Variants in RASGRP3 observed in about 807,000 individuals in gnomAD.
RASGRP3 encodes ras guanyl-releasing protein 3.
Under a neutral mutation model 82.7 loss-of-function variants are expected in RASGRP3, and 54 were observed. The ratio of observed to expected loss-of-function variants is 0.65; its 90% CI spans 0.52 to 0.82. RASGRP3 has a LOEUF of 0.82. Ranked by LOEUF, RASGRP3 falls within the 40% of genes least tolerant of loss-of-function variation. The probability of loss-of-function intolerance (pLI) is 0.00; values close to 1 mark genes in which losing one functional copy is unlikely to be tolerated. For missense variants in RASGRP3, 861 were observed against 828.9 expected, an observed-to-expected ratio of 1.04 and a Z score of -0.48; for synonymous variants, 309 against 300.5, an observed-to-expected ratio of 1.03 and a Z score of -0.29.
chr2:33,503,246 G>A (rs939050434), intron 1 of RASGRP3, among the ~76,000 whole-genome samples: 3 of 152,018 alleles, frequency 2.0e-5, no homozygotes, highest in Admixed American at 6.5e-5. Flanking sequence ...GGGCAGAGTC[G>A]TAGTATTTAT....
intron 9 of RASGRP3, among the ~76,000 whole-genome samples, chr2:33,524,876 T>C (rs969609741): frequency 7.2e-5 from 11 of 151,750 alleles, no homozygotes; most frequent in African/African-American, 2.7e-4. Context: ...TCAGGAGATC[T>C]ATACCATCCT....
At chr2:33,561,495 T>C (rs1288219236) in intron 17 of RASGRP3, among the ~76,000 whole-genome samples, 1 of 152,172 alleles carries the variant, frequency 6.6e-6, no homozygotes, top group Non-Finnish European at 1.5e-5. Flanking sequence ...TCCAGTACCA[T>C]TCAAATCAGT....
chr2:33,453,842 T>A (rs879427271), intron 2 of RASGRP3, among the ~76,000 whole-genome samples: 7 of 152,350 alleles, frequency 4.6e-5, no homozygotes, highest in African/African-American at 1.7e-4. Flanking sequence ...TAAAAGTTTT[T>A]TATGATAAAC....
At chr2:33,539,510 T>G in intron 12 of RASGRP3, 1 of 201,318 alleles carries the variant, frequency 5.0e-6, no homozygotes, top group Non-Finnish European at 9.9e-6. Context: ...GGGATTAGAA[T>G]CACTCATGAA....
chr2:33,506,194 A>G (rs528046160), intron 1 of RASGRP3, among the ~76,000 whole-genome samples: 2 of 152,320 alleles, frequency 1.3e-5, no homozygotes, highest in South Asian at 2.1e-4. Context: ...TTTTCAGACA[A>G]TAGGGCCAGT....
intron 6 of RASGRP3, among the ~76,000 whole-genome samples, chr2:33,521,026 T>C (rs1671979713): frequency 6.6e-6 from 1 of 152,208 alleles, no homozygotes; most frequent in Non-Finnish European, 1.5e-5. Flanking sequence ...CCTTCACTGA[T>C]TAAAGTGTGG....
intron 1 of RASGRP3, among the ~76,000 whole-genome samples, chr2:33,492,199 T>C (rs1558439642): frequency 1.3e-5 from 2 of 152,194 alleles, no homozygotes; most frequent in Admixed American, 1.3e-4. Flanking sequence ...TAATAAAAAA[T>C]GACATCGAGT....
chr2:33,506,025 A>C (rs1303096846), intron 1 of RASGRP3, among the ~76,000 whole-genome samples: 1 of 152,238 alleles, frequency 6.6e-6, no homozygotes, highest in Non-Finnish European at 1.5e-5. Flanking sequence ...GTAACCAAGA[A>C]AACATAAATA....
rs78361701 is a variant in RASGRP3, at chr2:33,461,905, C to G, written c.-261+13962C>G. Reference sequence around the variant, plus strand: ...AATGAGGTTAAAAGCCCAGGCCTCACGAGGTTATAACCAAGAGGCTGTGAT... The same window carrying G: ...AATGAGGTTAAAAGCCCAGGCCTCAGGAGGTTATAACCAAGAGGCTGTGAT... On this transcript the variant is annotated intron_variant, in intron 2 of 18. Transcript: ENST00000402538. Among the ~76,000 whole-genome samples, 3 of 152,192 alleles carry G rather than the reference C, an allele frequency of 2.0e-5. No homozygotes were observed. In the East Asian group the frequency reaches 5.8e-4, roughly 29 times the overall value.
At chr2:33,503,555 A>G (rs1670077554) in intron 1 of RASGRP3, among the ~76,000 whole-genome samples, 1 of 152,066 alleles carries the variant, frequency 6.6e-6, no homozygotes, top group African/African-American at 2.4e-5. Context: ...CAAGCTGTGT[A>G]ACTTTATTTG....
chr2:33,561,624 T>C (rs1676669903), intron 17 of RASGRP3, among the ~76,000 whole-genome samples: 1 of 152,186 alleles, frequency 6.6e-6, no homozygotes, highest in Non-Finnish European at 1.5e-5. Flanking sequence ...ATTTTTTTTT[T>C]TTCTGCCAGG....
intron 2 of RASGRP3, among the ~76,000 whole-genome samples, chr2:33,459,332 C>T (rs1666223113): frequency 1.3e-5 from 2 of 152,198 alleles, no homozygotes; most frequent in East Asian, 1.9e-4. Flanking sequence ...GACAGGGTTT[C>T]ACTGTGTTAA....
intron 17 of RASGRP3, among the ~76,000 whole-genome samples, chr2:33,561,598 A>C (rs1418589251): frequency 1.3e-5 from 2 of 152,130 alleles, no homozygotes; most frequent in African/African-American, 4.8e-5. Context: ...TAGACAAAGG[A>C]GTTTGCAAAT....
At chr2:33,442,883 G>GTTTTTTTTTTTTT (rs55978823) in intron 1 of RASGRP3, among the ~76,000 whole-genome samples, 1 of 138,568 alleles carries the variant, frequency 7.2e-6, no homozygotes. Context: ...AATCACTATT[G>GTTTTTTTTTTTTT]TTTTTTTTTT....
chr2:33,520,086 A>T (rs914700487), intron 5 of RASGRP3, 72 bp downstream of exon 5: 4 of 1,257,096 alleles, frequency 3.2e-6, no homozygotes, highest in Non-Finnish European at 4.5e-6. Flanking sequence ...CTTTTCCCCA[A>T]GCTGCAGACC....
At chr2:33,497,902 A>G (rs1669474711) in intron 1 of RASGRP3, among the ~76,000 whole-genome samples, 1 of 152,244 alleles carries the variant, frequency 6.6e-6, no homozygotes. Context: ...ACTAAGTCAT[A>G]GAAGAAATGG....
At chr2:33,439,908 C>T (rs1458881236) in intron 1 of RASGRP3, among the ~76,000 whole-genome samples, 1 of 152,050 alleles carries the variant, frequency 6.6e-6, no homozygotes, top group East Asian at 1.9e-4. Flanking sequence ...GAGATCAGGG[C>T]ACCGAGGCCT....
chr2:33,469,610 C>T (rs1666937273), intron 2 of RASGRP3, among the ~76,000 whole-genome samples: 1 of 151,984 alleles, frequency 6.6e-6, no homozygotes, highest in Non-Finnish European at 1.5e-5. Flanking sequence ...CAGATATGGG[C>T]CACCATGCCC....
chr2:33,444,297 G>A (rs181226246), intron 1 of RASGRP3, among the ~76,000 whole-genome samples: 2 of 152,238 alleles, frequency 1.3e-5, no homozygotes, highest in Admixed American at 6.5e-5. Flanking sequence ...GCAACAGCAA[G>A]ACCCTTTCTA....
Sources: allele counts gnomAD v4.1 joint callset (sites outside exome capture counted in the v4.1 genomes callset), GRCh38; gene constraint gnomAD v4.1.1; transcripts MANE v1.5; gene names NCBI Gene and HGNC (gene_info 2026-07-23, HGNC 2026-07-21).